Variants in TXNL4B observed in about 807,000 individuals in gnomAD.
The protein encoded by TXNL4B is thioredoxin like 4B.
TXNL4B carries 12 observed loss-of-function variants against 13.0 expected under a neutral mutation model. The ratio of observed to expected loss-of-function variants is 0.92; its 90% CI spans 0.59 to 1.49. TXNL4B has a LOEUF of 1.49. TXNL4B is among the 40% of genes most tolerant of loss of function. The pLI is 0.00. For synonymous variants in TXNL4B, 59 were observed against 58.9 expected (o/e 1.00, Z -0.01); for missense variants, 214 against 173.6 (o/e 1.23, Z -1.31).
intron 2 of TXNL4B, among the ~76,000 whole-genome samples, chr16:72,089,349 T>A (rs188869843): frequency 6.6e-6 from 1 of 152,298 alleles, no homozygotes; most frequent in East Asian, 1.9e-4. Context: ...TGGGGAAAAC[T>A]GTATGAGGTT....
chr16:72,094,225 T>G (rs972667361), upstream of TXNL4B: 2 of 152,916 alleles, frequency 1.3e-5, no homozygotes, highest in Non-Finnish European at 2.9e-5. Flanking sequence ...CTGGCCGCCT[T>G]GGCCTTCCTC....
At position 72,085,139 on chromosome 16, in the gene TXNL4B, A is replaced by G. The variant is rs1435514054; in HGVS notation, c.*1498T>C. Reference sequence around the variant, plus strand: ...GGAGTGACTCCCTCCTCTTATCAGCAGGGATACAAGCAGTGCCTGGCAGCC... The same window carrying G: ...GGAGTGACTCCCTCCTCTTATCAGCGGGGATACAAGCAGTGCCTGGCAGCC... On this transcript the variant is annotated 3_prime_UTR_variant, in exon 4 of 4. Coordinates refer to ENST00000268483, the MANE Select transcript of TXNL4B (RefSeq NM_017853.3). 1 of 397,424 alleles carries G rather than the reference A, an allele frequency of 2.5e-6. No homozygotes were observed. Among genetic ancestry groups the G allele is most frequent in the Non-Finnish European group, 4.4e-6 (1 of 225,872 alleles). 24.6% of individuals were successfully genotyped at this position (397,424 alleles called of 1,614,324 possible).
At chr16:72,091,567 C>T (rs1197808139) in intron 1 of TXNL4B, among the ~76,000 whole-genome samples, 1 of 152,240 alleles carries the variant, frequency 6.6e-6, no homozygotes, top group South Asian at 2.1e-4. Context: ...TTATTTCAAA[C>T]CTAACCTATG....
In TXNL4B at chr16:72,084,990, G is replaced by T. The variant is rs1402946272; in HGVS notation, c.*1647C>A. The T allele has an allele frequency of 2.5e-6, 1 of 398,426 alleles. No individual in the cohort carries two copies. The highest frequency in any genetic ancestry group is 4.4e-6 in the Non-Finnish European group (1 of 226,078). 24.7% of individuals were successfully genotyped at this position (398,426 alleles called of 1,614,324 possible). A position where few individuals can be genotyped will look rare whatever the true frequency, so the allele number is the denominator to read the frequency against. ...GCATATCGATGTTTTACGTGATGCTGGGCACCTCGGGGACCTAAGATGGCT... is the reference window on the plus strand; with the variant it reads ...GCATATCGATGTTTTACGTGATGCTTGGCACCTCGGGGACCTAAGATGGCT... On this transcript the variant is annotated 3_prime_UTR_variant, in exon 4 of 4. Transcript: ENST00000268483.
At position 72,088,974 on chromosome 16, in the gene TXNL4B, C is replaced by A; in HGVS notation, c.284+13G>T. ...TACAAGGTTGCAATTAACTTCAGAT[C>A]AACTGCACTTACCCATAATCCACTT... On this transcript the variant is annotated intron_variant, in intron 3 of 3. Coordinates refer to ENST00000268483, the MANE Select transcript of TXNL4B (RefSeq NM_017853.3). 1.3e-6 allele frequency: 2 copies of A among 1,583,920 alleles called. No individual in the cohort carries two copies. Among genetic ancestry groups the A allele is most frequent in the South Asian group, 1.1e-5 (1 of 88,214 alleles).
rs1235291975 is a variant in TXNL4B at position 72,086,657 on chromosome 16, G to A, written c.430C>T (p.Leu144Phe). ...IDPKNIPKYD[L>F]LYQDI ...ATGTACTAAATGTCTTGATAGAGAA[G>A]GTCATATTTGGGAATATTCTTGGGA... Residue 144 changes from leucine (L) to phenylalanine (F), a missense_variant, in exon 4 of 4, where the codon CTT becomes TTT. By Grantham distance (22) the Leu-to-Phe change is conservative (BLOSUM62 0). Coordinates refer to ENST00000268483, the MANE Select transcript of TXNL4B (RefSeq NM_017853.3). 1 of 1,613,174 alleles carries A rather than the reference G, an allele frequency of 6.2e-7. No individual in the cohort carries two copies. Among genetic ancestry groups the A allele is most frequent in the Admixed American group, 1.7e-5 (1 of 59,990 alleles).
chr16:72,088,009 C>T (rs1281871894), intron 3 of TXNL4B, among the ~76,000 whole-genome samples: 2 of 152,320 alleles, frequency 1.3e-5, no homozygotes, highest in East Asian at 3.9e-4. Context: ...TTAGTAGAGA[C>T]AGGGTTTCAC....
intron 1 of TXNL4B, among the ~76,000 whole-genome samples, chr16:72,092,349 G>A (rs906094311): frequency 2.0e-5 from 3 of 151,760 alleles, no homozygotes; most frequent in African/African-American, 7.3e-5. Flanking sequence ...GGAGGCGGAG[G>A]TTGCAGTGAG....
At position 72,088,990 on chromosome 16, in the gene TXNL4B, T is replaced by G. The variant is rs767882893; in HGVS notation, c.281A>C (p.Tyr94Ser). 1 of 1,600,936 alleles carries G rather than the reference T, an allele frequency of 6.2e-7. No homozygotes were observed. The highest frequency in any genetic ancestry group is 8.5e-7 in the Non-Finnish European group (1 of 1,170,054). Residue 94 changes from tyrosine (Y) to serine (S), a missense_variant, in exon 3 of 4, where the codon TAT becomes TCT. Coordinates refer to ENST00000268483, the MANE Select transcript of TXNL4B (RefSeq NM_017853.3). ...FFNGQHMKVD[Y>S]GSPDHTKFVG... Reference sequence around the variant, plus strand: ...ACTTCAGATCAACTGCACTTACCCATAATCCACTTTCATATGCTGCCCATT... The same window carrying G: ...ACTTCAGATCAACTGCACTTACCCAGAATCCACTTTCATATGCTGCCCATT...
At position 72,093,496 on chromosome 16, in the gene TXNL4B, CA is replaced by C. The variant is rs1355385969; in HGVS notation, c.-168del. The C allele has an allele frequency of 3.9e-5, 6 of 152,398 alleles. No homozygotes were observed. The highest frequency in any genetic ancestry group is 1.2e-4 in the African/African-American group (5 of 41,586). The allele number at this position is 152,398 out of a possible 1,614,324, so 9.4% of individuals were successfully genotyped here. On this transcript the variant is annotated 5_prime_UTR_variant, in exon 1 of 4. Coordinates refer to ENST00000268483, the MANE Select transcript of TXNL4B (RefSeq NM_017853.3). ...GACAGGACCCTAAGACCAAGTCACC[CA>C]GGGGCTGTTGCCTAGCAACCCTCGT...
At position 72,086,776 on chromosome 16, in the gene TXNL4B, C is replaced by T. The variant is rs765421630; in HGVS notation, c.311G>A (p.Gly104Glu). 3 of 1,612,246 alleles carry T rather than the reference C, an allele frequency of 1.9e-6. No individual in the cohort carries two copies. The highest frequency in any genetic ancestry group is 1.3e-5 in the African/African-American group (1 of 74,914). Reference protein sequence around the residue: ...YGSPDHTKFVGSFKTKQDFID... With the variant: ...YGSPDHTKFVESFKTKQDFID... ...GAAGTCTTGTTTGGTTTTGAAGCTT[C>T]CCACAAACTTAGTGTGATCTGGAGA... The change falls in exon 4 of 4, where the codon GGA becomes GAA. Residue 104 changes from glycine (G) to glutamate (E), a missense_variant. Transcript: ENST00000268483.
In TXNL4B at chr16:72,090,833, G is replaced by A; in HGVS notation, c.-37-47C>T. The A allele has an allele frequency of 4.0e-6, 6 of 1,505,920 alleles. No individual in the cohort carries two copies. The East Asian group carries it at 9.1e-5, about 23-fold the overall frequency. The allele number at this position is 1,505,920 out of a possible 1,614,324, so 93.3% of individuals were successfully genotyped here. On this transcript the variant is annotated intron_variant, in intron 1 of 3. Coordinates refer to ENST00000268483, the MANE Select transcript of TXNL4B (RefSeq NM_017853.3). ...TAAAGACAGTTTAGATTAAGTGCGT[G>A]AGCCCTCATTAAAAAAAATTAATTC... is the stretch of plus-strand genomic sequence containing the variant.
chr16:72,086,841 T>C (rs2041830798), intron 3 of TXNL4B, 39 bp from the exon 4 acceptor site: 1 of 1,452,184 alleles, frequency 6.9e-7, no homozygotes, highest in Non-Finnish European at 9.3e-7. Flanking sequence ...TCTAAGAACT[T>C]TGAGTAATCA....
intron 3 of TXNL4B, among the ~76,000 whole-genome samples, chr16:72,087,019 T>C (rs1043439467): frequency 5.3e-5 from 8 of 152,358 alleles, no homozygotes; most frequent in East Asian, 3.9e-4. Flanking sequence ...AGCTCTGTCA[T>C]GTGCAAAGCT....
rs544369900 is a variant in TXNL4B at position 72,087,927 on chromosome 16, T to C, written c.284+1060A>G. Among the ~76,000 whole-genome samples, 13 of 152,244 alleles carry C rather than the reference T, an allele frequency of 8.5e-5. No individual in the cohort carries two copies. The East Asian group carries it at 1.5e-3, about 18-fold the overall frequency. ...CTCCGCCTCCTGGGTTCATGCCATT[T>C]TTCTGCCTCAGCCTCCAGAGTAGCC... is the stretch of plus-strand genomic sequence containing the variant. On this transcript the variant is annotated intron_variant, in intron 3 of 3. Coordinates refer to ENST00000268483, the MANE Select transcript of TXNL4B (RefSeq NM_017853.3).
At chr16:72,092,226 T>C (rs2041918241) in intron 1 of TXNL4B, among the ~76,000 whole-genome samples, 2 of 152,268 alleles carry the variant, frequency 1.3e-5, no homozygotes, top group South Asian at 2.1e-4. Flanking sequence ...CTGGCCAACA[T>C]GGTGAAACCC....
chr16:72,087,211 TG>T, intron 3 of TXNL4B: 1 of 155,230 alleles, frequency 6.4e-6, no homozygotes, highest in South Asian at 2.0e-4. Flanking sequence ...ATTAAAAAAT[TG>T]ATTTTTTAGA....
At position 72,085,280 on chromosome 16, in the gene TXNL4B, G is replaced by A. The variant is rs1292712108; in HGVS notation, c.*1357C>T. The A allele has an allele frequency of 6.0e-6, 2 of 336,124 alleles. No individual in the cohort carries two copies. The highest frequency in any genetic ancestry group is 1.1e-5 in the Non-Finnish European group (2 of 187,712). 20.8% of individuals were successfully genotyped at this position (336,124 alleles called of 1,614,324 possible). A position where few individuals can be genotyped will look rare whatever the true frequency, so the allele number is the denominator to read the frequency against. ...GGACTTGCAGTGACAGTGCTGCTCT[G>A]AACAGGACTAGGCTTCTGTTGGAGA... On this transcript the variant is annotated 3_prime_UTR_variant, in exon 4 of 4. Coordinates refer to ENST00000268483, the MANE Select transcript of TXNL4B (RefSeq NM_017853.3).
chr16:72,087,616 T>G (rs2144098623), intron 3 of TXNL4B, among the ~76,000 whole-genome samples: 1 of 152,022 alleles, frequency 6.6e-6, no homozygotes, highest in Non-Finnish European at 1.5e-5. Flanking sequence ...ACATCAAATG[T>G]GTTCCAGTAG....
Sources: allele counts gnomAD v4.1 joint callset (sites outside exome capture counted in the v4.1 genomes callset), GRCh38; gene constraint gnomAD v4.1.1; transcripts MANE v1.5; gene names NCBI Gene and HGNC (gene_info 2026-07-23, HGNC 2026-07-21).